KDM4C: variants seen among roughly 807,000 people sequenced by gnomAD.
KDM4C encodes the protein lysine demethylase 4C, also known as lysine-specific demethylase 4C.
Under a neutral mutation model 129.3 loss-of-function variants are expected in KDM4C, and 81 were observed. That is an observed-to-expected ratio of 0.63 (90% CI 0.52 to 0.75). The LOEUF (loss-of-function observed/expected upper bound fraction) is 0.75, where lower values mean the gene tolerates loss of function less well. KDM4C is among the 30% of genes least tolerant of loss of function. The pLI is 0.00. For missense variants in KDM4C, 1,457 were observed against 1,304.0 expected (o/e 1.12, Z -1.81); for synonymous variants, 573 against 456.1 (o/e 1.26, Z -3.26).
intron 19 of KDM4C, among the ~76,000 whole-genome samples, chr9:7,155,514 C>G (rs1048391541): frequency 1.3e-5 from 2 of 152,108 alleles, no homozygotes; most frequent in African/African-American, 4.8e-5. Flanking sequence ...CGCATCCCCC[C>G]ACCCCTCAAC....
At chr9:6,822,674 T>C (rs1365436895) in intron 4 of KDM4C, among the ~76,000 whole-genome samples, 1 of 152,220 alleles carries the variant, frequency 6.6e-6, no homozygotes, top group African/African-American at 2.4e-5. Flanking sequence ...TACATTAAAA[T>C]ACTCAGCCTT....
At chr9:7,118,872 T>TC (rs1839200475) in intron 18 of KDM4C, among the ~76,000 whole-genome samples, 1 of 152,148 alleles carries the variant, frequency 6.6e-6, no homozygotes, top group South Asian at 2.1e-4. Context: ...TGGGTGACCC[T>TC]CCTTCCAGAT....
chr9:6,795,963 C>T (rs1447473890), intron 2 of KDM4C, among the ~76,000 whole-genome samples: 1 of 152,088 alleles, frequency 6.6e-6, no homozygotes, highest in African/African-American at 2.4e-5. Flanking sequence ...TCAGCCACTG[C>T]CCCTGGCCCC....
rs148374575 is a variant in KDM4C, at chr9:6,870,283, T to C, written c.630-9729T>C. Among the ~76,000 whole-genome samples, 161 of 152,162 alleles carry C rather than the reference T, an allele frequency of 1.1e-3. 1 individual carries two copies. The highest frequency in any genetic ancestry group is 3.5e-3 in the African/African-American group (145 of 41,518). ...TTCATTGTAAGGGGGGTTTTTCCCT[T>C]GGAGGACAGATGGGCCCTGTCACTT... On this transcript the variant is annotated intron_variant, in intron 5 of 21. Transcript: ENST00000381309.
rs1016732811 is a variant in KDM4C, at chr9:6,998,874, G to GTT, written c.1786+8351_1786+8352insTT. Among the ~76,000 whole-genome samples the GTT allele has an allele frequency of 2.9e-3, 440 of 152,216 alleles. 3 individuals carry two copies. Among genetic ancestry groups the GTT allele is most frequent in the African/African-American group, 0.01 (418 of 41,532 alleles). On this transcript the variant is annotated intron_variant, in intron 12 of 21. Coordinates refer to ENST00000381309, the MANE Select transcript of KDM4C (RefSeq NM_015061.6). ...TTTATAACAATTGAATACTAAAGTG[G>GTT]TCCTATGTGTGTTTTCCCAGGACTA...
chr9:6,772,838 G>GCACACTACTA (rs1822171480), intron 1 of KDM4C, among the ~76,000 whole-genome samples: 1 of 149,786 alleles, frequency 6.7e-6, no homozygotes, highest in Non-Finnish European at 1.5e-5. Context: ...GATTACAGGT[G>GCACACTACTA]CGTGCCACCC....
At chr9:6,838,465 C>G (rs773739958) in intron 4 of KDM4C, among the ~76,000 whole-genome samples, 101 of 152,328 alleles carry the variant, frequency 6.6e-4, no homozygotes, top group Middle Eastern at 6.8e-3. Context: ...ACTCCATTAA[C>G]TTCACACTAT....
At chr9:7,077,779 A>C (rs549141077) in intron 17 of KDM4C, among the ~76,000 whole-genome samples, 1 of 152,188 alleles carries the variant, frequency 6.6e-6, no homozygotes, top group Non-Finnish European at 1.5e-5. Flanking sequence ...CCACATTTTC[A>C]ACTTGCAGAC....
At chr9:6,971,764 G>T (rs1036960082) in intron 8 of KDM4C, among the ~76,000 whole-genome samples, 56 of 152,186 alleles carry the variant, frequency 3.7e-4, no homozygotes, top group African/African-American at 1.3e-3. Context: ...CTAATCAAGG[G>T]TTCTACACAA....
chr9:7,040,521 T>C (rs891152148), intron 15 of KDM4C, among the ~76,000 whole-genome samples: 7 of 152,006 alleles, frequency 4.6e-5, no homozygotes, highest in Admixed American at 4.6e-4. Context: ...AACGTGTGAT[T>C]TCATTTTCCT....
Position 6,952,294 on chromosome 9 carries a change from G to A in KDM4C, c.922-28631G>A, listed in dbSNP as rs542432642. ...GTACGCCTATGTCCAAGAGTAAAGG[G>A]TTAGATAAATAAATCAATCGTGGTA... is the stretch of plus-strand genomic sequence containing the variant. On this transcript the variant is annotated intron_variant, in intron 8 of 21. Transcript: ENST00000381309. Among the ~76,000 whole-genome samples the A allele has an allele frequency of 3.0e-3, 458 of 151,864 alleles. 1 individual carries two copies. The highest frequency in any genetic ancestry group is 0.011 in the African/African-American group (437 of 41,440).
chr9:6,758,189 C>T lies in KDM4C; in HGVS notation c.-32C>T. ...CCTCCACCGAGTCGTGCTCTCGCCC[C>T]AACCCGCGCGCCAGGTAACCGCTTT... On this transcript the variant is annotated 5_prime_UTR_variant, in exon 1 of 22. Coordinates refer to ENST00000381309, the MANE Select transcript of KDM4C (RefSeq NM_015061.6). This position sits in a 1 kb window ranked among gnomAD's most constrained non-coding sequence, Gnocchi z 4.6. 2 of 986,000 alleles carry T rather than the reference C, an allele frequency of 2.0e-6. No individual in the cohort carries two copies. Among genetic ancestry groups the T allele is most frequent in the Non-Finnish European group, 2.4e-6 (2 of 830,428 alleles). 61.1% of individuals were successfully genotyped at this position (986,000 alleles called of 1,614,324 possible).
chr9:6,947,465 GTCT>G (rs1827179353), intron 8 of KDM4C, among the ~76,000 whole-genome samples: 1 of 151,998 alleles, frequency 6.6e-6, no homozygotes, highest in Non-Finnish European at 1.5e-5. Context: ...ATAACTACCA[GTCT>G]TCTTTCTTAT....
At chr9:7,124,979 A>G (rs781305897) in intron 18 of KDM4C, among the ~76,000 whole-genome samples, 1 of 152,108 alleles carries the variant, frequency 6.6e-6, no homozygotes, top group Non-Finnish European at 1.5e-5. Context: ...ATACTGTCGC[A>G]CTAAGCTCCA....
chr9:6,836,436 A>G (rs949530168), intron 4 of KDM4C, among the ~76,000 whole-genome samples: 2 of 152,224 alleles, frequency 1.3e-5, no homozygotes, highest in African/African-American at 4.8e-5. Context: ...TGTACAATAT[A>G]TTTAAGTTTT....
In KDM4C at chr9:7,108,475, G is replaced by A. The variant is rs189851829; in HGVS notation, c.2610+4605G>A. ...TGGTCTTGAACTTTTGGACTCGAGC[G>A]ATCCAACTGCCTTGGCCTCCCAAAG... On this transcript the variant is annotated intron_variant, in intron 18 of 21. Transcript: ENST00000381309. Among the ~76,000 whole-genome samples, 8 of 152,216 alleles carry A rather than the reference G, an allele frequency of 5.3e-5. 1 individual carries two copies. In the East Asian group the frequency reaches 9.7e-4, roughly 18 times the overall value.
At chr9:6,783,157 G>C (rs886259462) in intron 1 of KDM4C, among the ~76,000 whole-genome samples, 1 of 152,248 alleles carries the variant, frequency 6.6e-6, no homozygotes, top group East Asian at 1.9e-4. Context: ...AAAGGGTTTT[G>C]TGGTCCTCTC....
intron 19 of KDM4C, among the ~76,000 whole-genome samples, chr9:7,131,411 C>T (rs1156859392): frequency 1.3e-5 from 2 of 152,062 alleles, no homozygotes; most frequent in East Asian, 1.9e-4. Flanking sequence ...TCCAGAGAAG[C>T]GGAACCAATA....
At chr9:6,798,484 A>G (rs1045868735) in intron 2 of KDM4C, among the ~76,000 whole-genome samples, 1 of 152,072 alleles carries the variant, frequency 6.6e-6, no homozygotes, top group Admixed American at 6.5e-5. Flanking sequence ...AACAAAGCAC[A>G]TCTTGCACCG....
Sources: gnomAD v4.1 joint callset for allele counts (sites outside exome capture counted in the v4.1 genomes callset) on GRCh38, gnomAD v4.1.1 for gene constraint, Gnocchi (gnomAD v3.1) non-coding constraint, MANE v1.5 for transcripts, NCBI Gene and HGNC (gene_info 2026-07-23, HGNC 2026-07-21) for gene names.